Variants in R3HDM1 observed in about 807,000 individuals in gnomAD.
R3HDM1 encodes the protein R3H domain containing 1.
R3HDM1 carries 46 observed loss-of-function variants against 141.1 expected under a neutral mutation model. The observed-to-expected ratio is 0.33, with a 90% CI of 0.26 to 0.42. R3HDM1 has a LOEUF of 0.42. R3HDM1 is among the 10% of genes least tolerant of loss of function. The pLI is 1.00. For missense variants in R3HDM1, 1,184 were observed against 1,368.3 expected (o/e 0.87, Z 2.12); for synonymous variants, 435 against 472.9 (o/e 0.92, Z 1.04).
Position 135,536,290 on chromosome 2 carries a change from A to C in R3HDM1, c.-250+4657A>C, listed in dbSNP as rs902469018. ...AAGTAACTACGACTACAAACTTGTC[A>C]CTAGGACTACAGGCATATGGCTAAT... On this transcript the variant is annotated intron_variant, in intron 1 of 26. Coordinates refer to ENST00000683871, the MANE Select transcript of R3HDM1 (RefSeq NM_001378107.1). Among the ~76,000 whole-genome samples, 4 of 152,258 alleles carry C rather than the reference A, an allele frequency of 2.6e-5. No homozygotes were observed. The East Asian group carries it at 7.7e-4, about 29-fold the overall frequency.
At chr2:135,562,002 CAA>C (rs1455441879) in intron 1 of R3HDM1, among the ~76,000 whole-genome samples, 2 of 152,074 alleles carry the variant, frequency 1.3e-5, no homozygotes, top group African/African-American at 4.8e-5. Flanking sequence ...GAAAAATTGA[CAA>C]AGTTAGTCTA....
At chr2:135,620,917 C>G (rs1574421067) in intron 5 of R3HDM1, among the ~76,000 whole-genome samples, 1 of 151,910 alleles carries the variant, frequency 6.6e-6, no homozygotes, top group South Asian at 2.1e-4. Context: ...TGAAATCTTT[C>G]TAAAAAACTG....
intron 21 of R3HDM1, among the ~76,000 whole-genome samples, chr2:135,707,253 C>T (rs1481326345): frequency 6.6e-6 from 1 of 152,194 alleles, no homozygotes; most frequent in Non-Finnish European, 1.5e-5. Flanking sequence ...TACTATAGAA[C>T]TGATTCATCT....
chr2:135,679,769 CTG>C (rs2069907289), intron 20 of R3HDM1, among the ~76,000 whole-genome samples: 1 of 152,170 alleles, frequency 6.6e-6, no homozygotes, highest in South Asian at 2.1e-4. Flanking sequence ...TTATTTCTGA[CTG>C]CTCATGCTTT....
Position 135,552,183 on chromosome 2 carries a change from A to AC in R3HDM1, c.-250+20550_-250+20551insC, listed in dbSNP as rs550956946. On this transcript the variant is annotated intron_variant, in intron 1 of 26. Transcript: ENST00000683871. Reference sequence around the variant, plus strand: ...AACTTATGGCATGACCTAATCCAGAATTTTTTTTTCTTTTTTGGGGGGTGC... The same window carrying AC: ...AACTTATGGCATGACCTAATCCAGAACTTTTTTTTTCTTTTTTGGGGGGTGC... 1.9e-3 allele frequency among the ~76,000 whole-genome samples: 295 copies of AC among 151,632 alleles called. 1 individual carries two copies. Among genetic ancestry groups the AC allele is most frequent in the African/African-American group, 7.0e-3 (288 of 41,318 alleles).
chr2:135,578,783 G>C (rs1043088207), intron 1 of R3HDM1, among the ~76,000 whole-genome samples: 4 of 152,174 alleles, frequency 2.6e-5, no homozygotes, highest in African/African-American at 9.6e-5. Flanking sequence ...TGCCTTTTGT[G>C]TAAAGTTTTA....
chr2:135,616,904 A>C (rs968537004), intron 5 of R3HDM1, 147 bp downstream of exon 5: 1 of 675,904 alleles, frequency 1.5e-6, no homozygotes, highest in Non-Finnish European at 2.4e-6. Context: ...ATATATGAAA[A>C]GTTAGAAAAC....
intron 11 of R3HDM1, among the ~76,000 whole-genome samples, chr2:135,636,407 G>A (rs187931311): frequency 2.3e-3 from 353 of 152,250 alleles, no homozygotes; most frequent in African/African-American, 8.1e-3. Flanking sequence ...TTGGAAGCAG[G>A]TAGACTACAG....
Position 135,620,354 on chromosome 2 carries a change from G to A in R3HDM1, c.304-1140G>A, listed in dbSNP as rs957944676. On this transcript the variant is annotated intron_variant, in intron 5 of 26. Transcript: ENST00000683871. The stretch of plus-strand genomic sequence containing the variant: ...AGTTATGAAAAGCGTAAAGAAAGTG[G>A]GTTGGAAAATGAATCACAATAAGAA... 16 of 861,664 alleles carry A rather than the reference G, an allele frequency of 1.9e-5. No homozygotes were observed. In the Middle Eastern group the frequency reaches 1.8e-3, roughly 94 times the overall value. The allele number at this position is 861,664 out of a possible 1,614,324, so 53.4% of individuals were successfully genotyped here. A position where few individuals can be genotyped will look rare whatever the true frequency, so the allele number is the denominator to read the frequency against.
chr2:135,669,828 G>A (rs1393440815), intron 19 of R3HDM1, among the ~76,000 whole-genome samples: 5 of 152,166 alleles, frequency 3.3e-5, no homozygotes, highest in Admixed American at 1.3e-4. Context: ...AATATCATTT[G>A]AGGCTTAGGT....
intron 1 of R3HDM1, among the ~76,000 whole-genome samples, chr2:135,593,959 A>G (rs1490287695): frequency 6.6e-6 from 1 of 152,146 alleles, no homozygotes; most frequent in Non-Finnish European, 1.5e-5. Context: ...ACCTCAGGTG[A>G]TCCGCCCGCC....
At position 135,602,711 on chromosome 2, in the gene R3HDM1, A is replaced by G; in HGVS notation, c.-41+3A>G. ...CCCAAATCCAAAGGACGCATCAGGT[A>G]ATGCTTCCCTGTCATTCAGAAAAAC... On this transcript the variant is annotated splice_donor_region_variant and intron_variant, in intron 2 of 26. Transcript: ENST00000683871. 1 of 1,493,362 alleles carries G rather than the reference A, an allele frequency of 6.7e-7. No homozygotes were observed. Among genetic ancestry groups the G allele is most frequent in the Non-Finnish European group, 8.9e-7 (1 of 1,123,660 alleles). 92.5% of individuals were successfully genotyped at this position (1,493,362 alleles called of 1,614,324 possible).
At chr2:135,595,945 G>T (rs544110122) in intron 1 of R3HDM1, among the ~76,000 whole-genome samples, 1 of 152,142 alleles carries the variant, frequency 6.6e-6, no homozygotes, top group Admixed American at 6.6e-5. Flanking sequence ...CTTAAAATGT[G>T]TTCCTCTATT....
chr2:135,564,199 C>A (rs547246937), intron 1 of R3HDM1, among the ~76,000 whole-genome samples: 1 of 152,278 alleles, frequency 6.6e-6, no homozygotes, highest in African/African-American at 2.4e-5. Context: ...GTACCTCTAC[C>A]TAGACAGTAA....
chr2:135,631,178 T>C (rs1317433308), intron 7 of R3HDM1, among the ~76,000 whole-genome samples: 6 of 152,198 alleles, frequency 3.9e-5, no homozygotes, highest in Non-Finnish European at 8.8e-5. Flanking sequence ...ATTCCTGTTG[T>C]TACTGGCATT....
intron 21 of R3HDM1, among the ~76,000 whole-genome samples, chr2:135,701,503 A>G (rs1207906661): frequency 1.3e-5 from 2 of 152,140 alleles, no homozygotes; most frequent in Non-Finnish European, 2.9e-5. Context: ...AGATGAAGTG[A>G]GGTGAGGTGA....
chr2:135,715,729 A>C, intron 24 of R3HDM1, 35 bp downstream of exon 24: 1 of 1,582,710 alleles, frequency 6.3e-7, no homozygotes, highest in Non-Finnish European at 8.6e-7. Flanking sequence ...AACTTCAGAG[A>C]ATTTAAGACA....
At chr2:135,706,334 A>AT (rs200907959) in intron 21 of R3HDM1, among the ~76,000 whole-genome samples, 18,060 of 144,418 alleles carry the variant, frequency 0.13, 2,738 homozygotes, top group African/African-American at 0.37. Context: ...GGATATTTTG[A>AT]TTTTTTTTTT....
chr2:135,675,292 A>G (rs758940613), intron 19 of R3HDM1, 40 bp from the exon 20 acceptor site: 1 of 1,543,330 alleles, frequency 6.5e-7, no homozygotes, highest in East Asian at 2.3e-5. Context: ...ACTAGATGAA[A>G]TGAATTCAGA....
Sources: gnomAD v4.1 joint callset for allele counts (sites outside exome capture counted in the v4.1 genomes callset) on GRCh38, gnomAD v4.1.1 for gene constraint, MANE v1.5 for transcripts, NCBI Gene and HGNC (gene_info 2026-07-23, HGNC 2026-07-21) for gene names.